Variants in PELO observed in about 807,000 individuals in gnomAD.
PELO encodes the protein pelota mRNA surveillance and ribosome rescue factor.
Under a neutral mutation model 25.9 loss-of-function variants are expected in PELO, and 19 were observed. That is an observed-to-expected ratio of 0.73 (90% CI 0.51 to 1.08). The LOEUF is 1.08. Ranked by LOEUF, PELO falls within the 50% of genes least tolerant of loss-of-function variation. The probability of loss-of-function intolerance (pLI) is 0.00; values close to 1 mark genes in which losing one functional copy is unlikely to be tolerated. For missense variants in PELO, 498 were observed against 491.4 expected, an observed-to-expected ratio of 1.01 and a Z score of -0.13; for synonymous variants, 196 against 192.2, an observed-to-expected ratio of 1.02 and a Z score of -0.16.
chr5:52,798,247 C>T (rs773986704), intron 1 of PELO, among the ~76,000 whole-genome samples: 1 of 152,028 alleles, frequency 6.6e-6, no homozygotes, highest in Admixed American at 6.5e-5. Flanking sequence ...CTTGAGGGTA[C>T]TCAGTATGAT....
chr5:52,801,522 C>G lies in PELO; in HGVS notation c.840C>G (p.Asp280Glu). The part of the protein sequence containing the change: ...KAAGEVKALD[D>E]FYKMLQHEPD... ...CTGGGGAAGTCAAAGCCTTGGATGA[C>G]TTCTATAAAATGTTACAGCATGAAC... Residue 280 changes from aspartate to glutamate, a missense_variant, in exon 3 of 3, where the codon GAC (aspartate) becomes GAG (glutamate). Coordinates refer to ENST00000274311, the MANE Select transcript of PELO (RefSeq NM_015946.5). The G allele has an allele frequency of 1.2e-6, 2 of 1,614,136 alleles. No individual in the cohort carries two copies. Among genetic ancestry groups the G allele is most frequent in the Non-Finnish European group, 1.7e-6 (2 of 1,180,006 alleles).
intron 1 of PELO, among the ~76,000 whole-genome samples, chr5:52,789,887 C>T (rs1184338128): frequency 6.6e-6 from 1 of 152,120 alleles, no homozygotes; most frequent in Non-Finnish European, 1.5e-5. Flanking sequence ...CTTGAAGTAA[C>T]AGAGAAGTTT....
chr5:52,802,230 G>GTAAATAAAGAAATA lies in PELO; in HGVS notation c.*391_*392insAAATAAAGAAATAT, dbSNP rs1748504164. The GTAAATAAAGAAATA allele has an allele frequency of 6.3e-6, 1 of 159,086 alleles. No individual in the cohort carries two copies. Among genetic ancestry groups the GTAAATAAAGAAATA allele is most frequent in the Non-Finnish European group, 1.4e-5 (1 of 72,482 alleles). 9.9% of individuals were successfully genotyped at this position (159,086 alleles called of 1,614,324 possible). A position where few individuals can be genotyped will look rare whatever the true frequency, so the allele number is the denominator to read the frequency against. ...GAAAAAGCTTTTGCTATCTTATCCT[G>GTAAATAAAGAAATA]TTTACATTATTTCTTTATTTTAATT... On this transcript the variant is annotated 3_prime_UTR_variant, in exon 3 of 3. Coordinates refer to ENST00000274311, the MANE Select transcript of PELO (RefSeq NM_015946.5).
rs192600506 is a variant in PELO, at chr5:52,804,017, T to C, written c.*2177T>C. On this transcript the variant is annotated 3_prime_UTR_variant, in exon 3 of 3. Coordinates refer to ENST00000274311, the MANE Select transcript of PELO (RefSeq NM_015946.5). ...GTTTTTATGTCTATGAATTATTAAA[T>C]AAAATTTAACTCATTTTTAAGAAAT... 7 of 152,322 alleles carry C rather than the reference T, an allele frequency of 4.6e-5. No homozygotes were observed. The highest frequency in any genetic ancestry group is 1.4e-4 in the African/African-American group (6 of 41,582). 9.4% of individuals were successfully genotyped at this position (152,322 alleles called of 1,614,324 possible).
At chr5:52,793,641 T>C (rs1374775276) in intron 1 of PELO, among the ~76,000 whole-genome samples, 1 of 152,074 alleles carries the variant, frequency 6.6e-6, no homozygotes, top group Non-Finnish European at 1.5e-5. Context: ...AATTGTGTCA[T>C]AAGATTTTGA....
Position 52,801,416 on chromosome 5 carries a change from C to G in PELO, c.734C>G (p.Ala245Gly). 1 of 1,610,582 alleles carries G rather than the reference C, an allele frequency of 6.2e-7. No homozygotes were observed. Among genetic ancestry groups the G allele is most frequent in the Non-Finnish European group, 8.5e-7 (1 of 1,177,432 alleles). ...ENRSKFLQVH[A>G]SSGHKYSLKE... ...TTGTAATTGTGATTCTAGGTACATGCCTCCTCCGGACACAAGTACTCCCTG... is the reference window on the plus strand; with the variant it reads ...TTGTAATTGTGATTCTAGGTACATGGCTCCTCCGGACACAAGTACTCCCTG... The change falls in exon 3 of 3, where the codon GCC becomes GGC. Residue 245 changes from alanine (A) to glycine (G), a missense_variant. Coordinates refer to ENST00000274311, the MANE Select transcript of PELO (RefSeq NM_015946.5).
chr5:52,791,312 A>C (rs1748234365), intron 1 of PELO, among the ~76,000 whole-genome samples: 1 of 152,160 alleles, frequency 6.6e-6, no homozygotes, highest in South Asian at 2.1e-4. Context: ...ACCTGAAGCA[A>C]GGTGAGAAGA....
chr5:52,801,348 G>T, intron 2 of PELO, 61 bp from the exon 3 acceptor site: 2 of 1,415,906 alleles, frequency 1.4e-6, no homozygotes, highest in Non-Finnish European at 1.9e-6. Context: ...AAGCCTTTGT[G>T]AGCTGATTAA....
rs570768366 is a variant in PELO at position 52,803,412 on chromosome 5, A to C, written c.*1572A>C. The C allele has an allele frequency of 6.6e-6, 1 of 152,226 alleles. No homozygotes were observed. Among genetic ancestry groups the C allele is most frequent in the African/African-American group, 2.4e-5 (1 of 41,532 alleles). The allele number at this position is 152,226 out of a possible 1,614,324, so 9.4% of individuals were successfully genotyped here. A position where few individuals can be genotyped will look rare whatever the true frequency, so the allele number is the denominator to read the frequency against. The stretch of plus-strand genomic sequence containing the variant: ...AGCCACTGAGATCCTTAAAGTTGAA[A>C]CCTGATTGTTATTATATTTTCAGTA... On this transcript the variant is annotated 3_prime_UTR_variant, in exon 3 of 3. Coordinates refer to ENST00000274311, the MANE Select transcript of PELO (RefSeq NM_015946.5).
intron 1 of PELO, among the ~76,000 whole-genome samples, chr5:52,797,677 G>T (rs1399599806): frequency 6.6e-6 from 1 of 152,084 alleles, no homozygotes; most frequent in East Asian, 1.9e-4. Context: ...TCATAATATA[G>T]GATGGTGGTA....
chr5:52,797,272 C>T (rs895329514), intron 1 of PELO, among the ~76,000 whole-genome samples: 7 of 151,798 alleles, frequency 4.6e-5, no homozygotes, highest in Admixed American at 2.6e-4. Flanking sequence ...TGGAGGCACA[C>T]TGATATTTTT....
At chr5:52,794,454 TTGG>T (rs1748300136) in intron 1 of PELO, among the ~76,000 whole-genome samples, 1 of 151,502 alleles carries the variant, frequency 6.6e-6, no homozygotes, top group Admixed American at 6.6e-5. Flanking sequence ...TATAATATTT[TTGG>T]TGAAATGATC....
At chr5:52,801,341 C>A in intron 2 of PELO, 68 bp from the exon 3 acceptor site, 2 of 1,372,900 alleles carry the variant, frequency 1.5e-6, no homozygotes, top group Non-Finnish European at 1.0e-6. Flanking sequence ...TGGCTTTAAG[C>A]CTTTGTGAGC....
In PELO at chr5:52,801,542, A is replaced by G. The variant is rs753082949; in HGVS notation, c.860A>G (p.His287Arg). Residue 287 changes from histidine to arginine, a missense_variant, in exon 3 of 3, where the codon CAT becomes CGT. Physicochemically the swap from His to Arg is conservative, Grantham distance 29. Coordinates refer to ENST00000274311, the MANE Select transcript of PELO (RefSeq NM_015946.5). Reference protein sequence around the residue: ...ALDDFYKMLQHEPDRAFYGLK... With the variant: ...ALDDFYKMLQREPDRAFYGLK... ...GATGACTTCTATAAAATGTTACAGC[A>G]TGAACCGGATCGAGCTTTCTATGGA... 2.5e-6 allele frequency: 4 copies of G among 1,614,216 alleles called. No homozygotes were observed. The highest frequency in any genetic ancestry group is 3.4e-6 in the Non-Finnish European group (4 of 1,180,028).
chr5:52,802,120 GTATT>G lies in PELO; in HGVS notation c.*283_*286del, dbSNP rs1442173538. ...TAGTACTTGGAAACAGAAAATGTGTGTATTTAAAGACGATGCCTATGCAGTATAT... is the reference window on the plus strand; with the variant it reads ...TAGTACTTGGAAACAGAAAATGTGTGTAAAGACGATGCCTATGCAGTATAT... On this transcript the variant is annotated 3_prime_UTR_variant, in exon 3 of 3. Transcript: ENST00000274311. The G allele has an allele frequency of 3.1e-6, 1 of 318,976 alleles. No homozygotes were observed. The highest frequency in any genetic ancestry group is 4.6e-5 in the Admixed American group (1 of 21,692). 19.8% of individuals were successfully genotyped at this position (318,976 alleles called of 1,614,324 possible). A position where few individuals can be genotyped will look rare whatever the true frequency, so the allele number is the denominator to read the frequency against.
Position 52,788,363 on chromosome 5 carries a change from C to T in PELO, c.-562C>T. Reference sequence around the variant, plus strand: ...TGAGGCTGCTCCGGCCATGGCCCCTCGGCCCCGCGCCCGCCCAGGGGTCGC... The same window carrying T: ...TGAGGCTGCTCCGGCCATGGCCCCTTGGCCCCGCGCCCGCCCAGGGGTCGC... On this transcript the variant is annotated 5_prime_UTR_variant, in exon 1 of 3. Transcript: ENST00000274311. 6.6e-7 allele frequency: 1 copy of T among 1,510,882 alleles called. No individual in the cohort carries two copies. Among genetic ancestry groups the T allele is most frequent in the South Asian group, 1.2e-5 (1 of 81,352 alleles). 93.6% of individuals were successfully genotyped at this position (1,510,882 alleles called of 1,614,324 possible).
Position 52,803,823 on chromosome 5 carries a change from T to C in PELO, c.*1983T>C, listed in dbSNP as rs1364753116. 1 of 152,164 alleles carries C rather than the reference T, an allele frequency of 6.6e-6. No individual in the cohort carries two copies. Among genetic ancestry groups the C allele is most frequent in the Non-Finnish European group, 1.5e-5 (1 of 68,026 alleles). 9.4% of individuals were successfully genotyped at this position (152,164 alleles called of 1,614,324 possible). ...CGCTACCTGTACCAACATCTCTAGA[T>C]GATTCCTGTGCATAATAAAATCTGA... On this transcript the variant is annotated 3_prime_UTR_variant, in exon 3 of 3. Coordinates refer to ENST00000274311, the MANE Select transcript of PELO (RefSeq NM_015946.5).
Position 52,801,848 on chromosome 5 carries a change from A to G in PELO, c.*8A>G, listed in dbSNP as rs1193016240. On this transcript the variant is annotated 3_prime_UTR_variant, in exon 3 of 3. Transcript: ENST00000274311. The stretch of plus-strand genomic sequence containing the variant: ...AGTTCTGAAGAGGATTAATGATTGA[A>G]ACTTAAAATTGAGACAATCTTGTGT... 4 of 1,562,832 alleles carry G rather than the reference A, an allele frequency of 2.6e-6. No homozygotes were observed. Among genetic ancestry groups the G allele is most frequent in the Admixed American group, 3.6e-5 (2 of 55,024 alleles).
intron 1 of PELO, 58 bp downstream of exon 1, chr5:52,788,472 G>C: frequency 7.3e-7 from 1 of 1,361,134 alleles, no homozygotes; most frequent in Middle Eastern, 1.9e-4. Flanking sequence ...GCTTGGAGCG[G>C]GGAGGGAGGT....
Sources: gnomAD v4.1 joint callset for allele counts (sites outside exome capture counted in the v4.1 genomes callset) on GRCh38, gnomAD v4.1.1 for gene constraint, MANE v1.5 for transcripts, NCBI Gene and HGNC (gene_info 2026-07-23, HGNC 2026-07-21) for gene names.